GPC5: variants seen among roughly 807,000 people sequenced by gnomAD.
GPC5 encodes glypican 5.
In GPC5, 47 loss-of-function variants were observed where a neutral mutation model predicts 53.9. The observed-to-expected ratio is 0.87, with a 90% confidence interval of 0.69 to 1.11. The LOEUF (loss-of-function observed/expected upper bound fraction) is 1.11. Ranked by LOEUF, GPC5 falls within the 50% of genes most tolerant of loss-of-function variation. The probability of loss-of-function intolerance (pLI) is 0.00; values close to 1 mark genes in which losing one functional copy is unlikely to be tolerated. For missense variants in GPC5, 748 were observed against 713.1 expected (o/e 1.05, Z -0.56); for synonymous variants, 286 against 263.3 (o/e 1.09, Z -0.84).
intron 7 of GPC5, among the ~76,000 whole-genome samples, chr13:92,610,967 T>G: frequency 2.0e-5 from 1 of 48,910 alleles, no homozygotes; most frequent in African/African-American, 3.8e-5. Flanking sequence ...TCTCAATACA[T>G]ATTTTTTTTT....
At chr13:92,268,799 T>A (rs2042820556) in intron 7 of GPC5, among the ~76,000 whole-genome samples, 1 of 152,138 alleles carries the variant, frequency 6.6e-6, no homozygotes, top group African/African-American at 2.4e-5. Flanking sequence ...GAATAAAATG[T>A]ATGTGAATAC....
At chr13:92,190,588 A>G (rs539808381) in intron 7 of GPC5, among the ~76,000 whole-genome samples, 1 of 152,288 alleles carries the variant, frequency 6.6e-6, no homozygotes, top group South Asian at 2.1e-4. Context: ...GGAAGGAATT[A>G]GGAAGATTTT....
chr13:92,321,173 G>A (rs939271904), intron 7 of GPC5, among the ~76,000 whole-genome samples: 1 of 152,134 alleles, frequency 6.6e-6, no homozygotes, highest in Non-Finnish European at 1.5e-5. Context: ...TACATTATTG[G>A]TTTGGTTACT....
intron 1 of GPC5, among the ~76,000 whole-genome samples, chr13:91,406,661 G>A (rs1192670887): frequency 6.6e-6 from 1 of 152,034 alleles, no homozygotes; most frequent in African/African-American, 2.4e-5. Context: ...CCAATTTCTA[G>A]TAAGTGGTAT....
chr13:92,667,190 G>T (rs146060773), intron 7 of GPC5, among the ~76,000 whole-genome samples: 1 of 150,562 alleles, frequency 6.6e-6, no homozygotes, highest in African/African-American at 2.4e-5. Context: ...GCATGTGCAC[G>T]CATGTGTGTC....
intron 5 of GPC5, among the ~76,000 whole-genome samples, chr13:91,839,987 G>A (rs569353507): frequency 6.6e-6 from 1 of 151,756 alleles, no homozygotes; most frequent in Non-Finnish European, 1.5e-5. Context: ...CACTAGCAAT[G>A]AGGAATTAGT....
chr13:92,663,653 T>A (rs1380239532), intron 7 of GPC5, among the ~76,000 whole-genome samples: 13 of 130,370 alleles, frequency 1.0e-4, no homozygotes, highest in Admixed American at 9.3e-4. Flanking sequence ...ATATATATAC[T>A]ATATATATAT....
At chr13:91,979,478 A>G (rs1343418239) in intron 6 of GPC5, among the ~76,000 whole-genome samples, 3 of 152,242 alleles carry the variant, frequency 2.0e-5, no homozygotes, top group Non-Finnish European at 4.4e-5. Flanking sequence ...TTCTAAGCAC[A>G]TGACTATTCT....
At chr13:91,662,070 C>G (rs914139248) in intron 2 of GPC5, among the ~76,000 whole-genome samples, 2 of 151,934 alleles carry the variant, frequency 1.3e-5, no homozygotes, top group African/African-American at 2.4e-5. Flanking sequence ...GTATTTAAAG[C>G]TATGAGATTG....
At chr13:91,518,172 A>G (rs1390227340) in intron 2 of GPC5, among the ~76,000 whole-genome samples, 2 of 152,200 alleles carry the variant, frequency 1.3e-5, no homozygotes, top group Non-Finnish European at 2.9e-5. Context: ...GTTTTAAGAA[A>G]CATCCAATTA....
chr13:91,429,234 A>C (rs548298720), intron 1 of GPC5, among the ~76,000 whole-genome samples: 1 of 152,278 alleles, frequency 6.6e-6, no homozygotes, highest in East Asian at 1.9e-4. Context: ...CATCTGTTTT[A>C]ATAAAAAAAC....
chr13:91,852,360 AG>A (rs2038923752), intron 5 of GPC5, among the ~76,000 whole-genome samples: 1 of 152,112 alleles, frequency 6.6e-6, no homozygotes, highest in Non-Finnish European at 1.5e-5. Flanking sequence ...TTCCATTGAA[AG>A]GTCGTCAGGG....
At chr13:92,122,318 C>T (rs1215600975) in intron 6 of GPC5, among the ~76,000 whole-genome samples, 2 of 149,372 alleles carry the variant, frequency 1.3e-5, no homozygotes, top group African/African-American at 5.0e-5. Context: ...GGCCCTTTTG[C>T]TTTTAGCAGC....
chr13:92,435,245 CAT>C (rs1202830712), intron 7 of GPC5, among the ~76,000 whole-genome samples: 1 of 152,154 alleles, frequency 6.6e-6, no homozygotes, highest in African/African-American at 2.4e-5. Context: ...AATTAAATGA[CAT>C]ATAGTATCCC....
At chr13:92,203,845 TA>T (rs1422879079) in intron 7 of GPC5, among the ~76,000 whole-genome samples, 1 of 149,196 alleles carries the variant, frequency 6.7e-6, no homozygotes, top group Non-Finnish European at 1.5e-5. Context: ...TGAATCTCGG[TA>T]AAACTGCTGA....
At chr13:92,670,788 G>A (rs1037222336) in intron 7 of GPC5, among the ~76,000 whole-genome samples, 2 of 152,102 alleles carry the variant, frequency 1.3e-5, no homozygotes, top group Non-Finnish European at 2.9e-5. Context: ...TTTTTCTAAG[G>A]ATAAGCTCTC....
chr13:91,842,112 C>T (rs1184685831), intron 5 of GPC5, among the ~76,000 whole-genome samples: 4 of 151,920 alleles, frequency 2.6e-5, no homozygotes, highest in Non-Finnish European at 5.9e-5. Context: ...AGAATTAAAC[C>T]ATGTTCTACC....
At chr13:91,599,826 G>A (rs1253620657) in intron 2 of GPC5, among the ~76,000 whole-genome samples, 1 of 152,182 alleles carries the variant, frequency 6.6e-6, no homozygotes, top group East Asian at 1.9e-4. Context: ...GTCTAATGAT[G>A]ATGTGGTCTG....
At chr13:92,807,302 A>T (rs1450089710) in intron 7 of GPC5, among the ~76,000 whole-genome samples, 1 of 152,130 alleles carries the variant, frequency 6.6e-6, no homozygotes, top group East Asian at 1.9e-4. Context: ...AAGAAAACAA[A>T]AAGAGACATA....
Sources: gnomAD v4.1 joint callset for allele counts (sites outside exome capture counted in the v4.1 genomes callset) on GRCh38, gnomAD v4.1.1 for gene constraint, MANE v1.5 for transcripts, NCBI Gene and HGNC (gene_info 2026-07-23, HGNC 2026-07-21) for gene names.